Variants in GRIP2 observed in about 807,000 individuals in gnomAD.
GRIP2 encodes glutamate receptor interacting protein 2.
GRIP2 carries 58 observed loss-of-function variants against 108.3 expected under a neutral mutation model. The ratio of observed to expected loss-of-function variants is 0.54; its 90% CI spans 0.43 to 0.67. The LOEUF is 0.67. Among genes scored for constraint, GRIP2 ranks in the 30% least tolerant of loss-of-function variants. The pLI, the probability that GRIP2 is intolerant of heterozygous loss-of-function variation, is 0.00. For synonymous variants in GRIP2, 586 were observed against 598.2 expected (o/e 0.98, Z 0.30); for missense variants, 1,278 against 1,430.6 (o/e 0.89, Z 1.72).
chr3:14,539,091 C>T (rs1694901004), intron 1 of GRIP2, among the ~76,000 whole-genome samples: 1 of 152,242 alleles, frequency 6.6e-6, no homozygotes, highest in Admixed American at 6.5e-5. Context: ...CCCATCGGGT[C>T]AAATCCCAGC....
At chr3:14,600,742 C>T in the GRIP2 span, among the ~76,000 whole-genome samples, 1 of 152,154 alleles carries the variant, frequency 6.6e-6, no homozygotes, top group Non-Finnish European at 1.5e-5. Context: ...CCAGAGAAAG[C>T]CGGAGATTTT....
chr3:14,502,459 A>G (rs1693791986), intron 21 of GRIP2, among the ~76,000 whole-genome samples: 2 of 151,374 alleles, frequency 1.3e-5, no homozygotes, highest in African/African-American at 4.9e-5. Flanking sequence ...GCACCACTGT[A>G]CTCCAGCCTG....
intron 11 of GRIP2, among the ~76,000 whole-genome samples, chr3:14,516,445 AT>A (rs1694250339): frequency 6.6e-6 from 1 of 152,184 alleles, no homozygotes. Context: ...GGGTTTCAAA[AT>A]TTTAGGCATT....
upstream of GRIP2, among the ~76,000 whole-genome samples, chr3:14,543,176 G>A (rs893090572): frequency 6.6e-6 from 1 of 152,192 alleles, no homozygotes; most frequent in Non-Finnish European, 1.5e-5. Context: ...CAGGCCTGGG[G>A]TGGTCTACTA....
chr3:14,509,649 T>C (rs1414869701), intron 17 of GRIP2, among the ~76,000 whole-genome samples, 171 bp downstream of exon 17: 1 of 152,224 alleles, frequency 6.6e-6, no homozygotes, highest in Admixed American at 6.5e-5. Context: ...CTGACACTCA[T>C]TTTACAAATG....
chr3:14,543,567 C>T (rs374211781), upstream of GRIP2, among the ~76,000 whole-genome samples: 4 of 152,360 alleles, frequency 2.6e-5, no homozygotes, highest in East Asian at 1.9e-4. Context: ...CCTCCAAAGA[C>T]GATCCTTCTT....
chr3:14,524,181 G>A (rs558995368), intron 4 of GRIP2: 4 of 593,370 alleles, frequency 6.7e-6, no homozygotes, highest in East Asian at 2.8e-5. Context: ...TATGTAAAAT[G>A]ACATTGGCTA....
chr3:14,507,496 T>C lies in GRIP2; in HGVS notation c.2218+65A>G. The C allele has an allele frequency of 6.3e-7, 1 of 1,579,008 alleles. No homozygotes were observed. Among genetic ancestry groups the C allele is most frequent in the Admixed American group, 1.7e-5 (1 of 59,450 alleles). Reference sequence around the variant, plus strand: ...TCTGTGAGGGTGTGCAGGCAAAGCCTGGCACAGAGGGATTGCCCTTCCTAA... The same window carrying C: ...TCTGTGAGGGTGTGCAGGCAAAGCCCGGCACAGAGGGATTGCCCTTCCTAA... On this transcript the variant is annotated intron_variant, in intron 18 of 23. Transcript: ENST00000621039. The surrounding 1 kb of genome is among the most constrained non-coding windows in gnomAD (Gnocchi z 4.6).
chr3:14,569,690 C>G, the GRIP2 span, among the ~76,000 whole-genome samples: 116 of 152,290 alleles, frequency 7.6e-4, no homozygotes, highest in Middle Eastern at 3.4e-3. Context: ...TCCACCACCC[C>G]CCTCTTGCTG....
At chr3:14,506,040 G>A (rs866062381) in intron 19 of GRIP2, among the ~76,000 whole-genome samples, 6 of 152,302 alleles carry the variant, frequency 3.9e-5, no homozygotes, top group South Asian at 2.1e-4. Context: ...ACCCTGCCAC[G>A]GAAGGAGGCT....
At chr3:14,583,013 C>T in the GRIP2 span, among the ~76,000 whole-genome samples, 1 of 152,216 alleles carries the variant, frequency 6.6e-6, no homozygotes, top group Non-Finnish European at 1.5e-5. Flanking sequence ...TAGACACTGA[C>T]TATGTGTTCA....
Position 14,489,895 on chromosome 3 carries a change from A to G in GRIP2, c.*3770T>C, listed in dbSNP as rs1292831368. On this transcript the variant is annotated 3_prime_UTR_variant, in exon 24 of 24. Coordinates refer to ENST00000621039, the MANE Select transcript of GRIP2 (RefSeq NM_001080423.4). ...CACCGTCAGGTGCAGGCGCTCATTAATACCCAGTTAGGGGCTCTCTGGGGT... is the reference window on the plus strand; with the variant it reads ...CACCGTCAGGTGCAGGCGCTCATTAGTACCCAGTTAGGGGCTCTCTGGGGT... The G allele has an allele frequency of 6.6e-6, 1 of 152,152 alleles. No individual in the cohort carries two copies. The highest frequency in any genetic ancestry group is 2.4e-5 in the African/African-American group (1 of 41,444). The allele number at this position is 152,152 out of a possible 1,614,324, so 9.4% of individuals were successfully genotyped here.
intron 9 of GRIP2, among the ~76,000 whole-genome samples, chr3:14,519,113 C>G (rs1180435744): frequency 6.6e-6 from 1 of 152,136 alleles, no homozygotes; most frequent in Non-Finnish European, 1.5e-5. Flanking sequence ...GGCAGATGCT[C>G]GATAAATGGT....
rs745901591 is a variant in GRIP2 at position 14,511,124 on chromosome 3, G to C, written c.1933+41C>G. 1.7e-5 allele frequency: 27 copies of C among 1,608,684 alleles called. No individual in the cohort carries two copies. Among genetic ancestry groups the C allele is most frequent in the Non-Finnish European group, 2.0e-5 (24 of 1,177,102 alleles). On this transcript the variant is annotated intron_variant, in intron 16 of 23. Transcript: ENST00000621039. The surrounding 1 kb of genome is among the most constrained non-coding windows in gnomAD (Gnocchi z 4.1). ...CAAGCTGGGAACCCGCTAGTCAAAGGGTGGGCCTCTGGAGGTAGGAGGCCA... is the reference window on the plus strand; with the variant it reads ...CAAGCTGGGAACCCGCTAGTCAAAGCGTGGGCCTCTGGAGGTAGGAGGCCA...
At chr3:14,567,762 G>A in the GRIP2 span, among the ~76,000 whole-genome samples, 11 of 152,366 alleles carry the variant, frequency 7.2e-5, no homozygotes, top group South Asian at 2.1e-3. Flanking sequence ...TGCTCCAGCA[G>A]TGAATAAGGC....
At chr3:14,577,386 G>A in the GRIP2 span, among the ~76,000 whole-genome samples, 2 of 152,206 alleles carry the variant, frequency 1.3e-5, no homozygotes, top group Non-Finnish European at 2.9e-5. Flanking sequence ...TGATAGAGAG[G>A]CAGAGACAGG....
At chr3:14,504,158 C>T (rs760053874) in intron 20 of GRIP2, among the ~76,000 whole-genome samples, 10 of 152,166 alleles carry the variant, frequency 6.6e-5, no homozygotes, top group Non-Finnish European at 1.3e-4. Flanking sequence ...CCATAACTCC[C>T]ATCACAGGTT....
chr3:14,549,279 C>A (rs2124975956), intron 1 of GRIP2, among the ~76,000 whole-genome samples: 1 of 152,384 alleles, frequency 6.6e-6, no homozygotes. Flanking sequence ...AGCTTGTACA[C>A]CTCCATAAAT....
intron 21 of GRIP2, among the ~76,000 whole-genome samples, chr3:14,499,059 G>A (rs1479426498): frequency 1.3e-5 from 2 of 152,190 alleles, no homozygotes; most frequent in African/African-American, 2.4e-5. Flanking sequence ...GTACAAGAAA[G>A]GAACCACCAG....
Sources: allele counts gnomAD v4.1 joint callset (sites outside exome capture counted in the v4.1 genomes callset), GRCh38; gene constraint gnomAD v4.1.1; non-coding constraint Gnocchi (gnomAD v3.1); transcripts MANE v1.5; gene names NCBI Gene and HGNC (gene_info 2026-07-23, HGNC 2026-07-21).